KCNG3: variants seen among roughly 807,000 people sequenced by gnomAD.
KCNG3 encodes voltage-gated potassium channel regulatory subunit KCNG3.
A neutral mutation model predicts 29.0 loss-of-function variants in KCNG3; 15 were observed. The ratio of observed to expected loss-of-function variants is 0.52; its 90% CI spans 0.35 to 0.80. The LOEUF is 0.80. Among genes scored for constraint, KCNG3 ranks in the 30% least tolerant of loss-of-function variants. The pLI, the probability that KCNG3 is intolerant of heterozygous loss-of-function variation, is 0.01. For missense variants in KCNG3, 512 were observed against 605.7 expected, an observed-to-expected ratio of 0.85 and a Z score of 1.62; for synonymous variants, 322 against 248.9, an observed-to-expected ratio of 1.29 and a Z score of -2.76.
At chr2:42,424,449 A>AG in the KCNG3 span, among the ~76,000 whole-genome samples, 1 of 152,000 alleles carries the variant, frequency 6.6e-6, no homozygotes, top group Non-Finnish European at 1.5e-5. Flanking sequence ...AAAAAAAAAA[A>AG]AAACCCAAAA....
At chr2:42,418,095 T>C in the KCNG3 span, among the ~76,000 whole-genome samples, 2 of 152,158 alleles carry the variant, frequency 1.3e-5, no homozygotes, top group Non-Finnish European at 1.5e-5. Flanking sequence ...ATATTCACAA[T>C]GTTGTTTAAC....
intron 1 of KCNG3, among the ~76,000 whole-genome samples, chr2:42,469,488 G>A (rs1673232713): frequency 6.6e-6 from 1 of 151,566 alleles, no homozygotes; most frequent in South Asian, 2.1e-4. Flanking sequence ...AAGATAAATG[G>A]CAAATGAGGC....
chr2:42,458,817 C>T, intron 1 of KCNG3, among the ~76,000 whole-genome samples: 1 of 147,468 alleles, frequency 6.8e-6, no homozygotes, highest in East Asian at 2.0e-4. Flanking sequence ...AAAAAAGGAA[C>T]CTCAGGAAGA....
chr2:42,460,486 C>T (rs1001229198), intron 1 of KCNG3, among the ~76,000 whole-genome samples: 2 of 152,150 alleles, frequency 1.3e-5, no homozygotes, highest in African/African-American at 4.8e-5. Context: ...ACAATCCAAT[C>T]CTTAAGAACT....
At chr2:42,458,401 C>G (rs1558378657) in intron 1 of KCNG3, among the ~76,000 whole-genome samples, 1 of 152,216 alleles carries the variant, frequency 6.6e-6, no homozygotes, top group Non-Finnish European at 1.5e-5. Context: ...CCTCTGTCCT[C>G]TGTTTTGGCA....
intron 1 of KCNG3, among the ~76,000 whole-genome samples, chr2:42,477,681 C>A (rs1259819192): frequency 6.6e-6 from 1 of 151,908 alleles, no homozygotes; most frequent in African/African-American, 2.4e-5. Flanking sequence ...GAGTTCGAGA[C>A]TAGCCTGGCC....
downstream of KCNG3, chr2:42,440,343 T>C (rs1303025554): frequency 1.3e-5 from 2 of 152,178 alleles, no homozygotes; most frequent in Admixed American, 6.5e-5. Flanking sequence ...TGAATAGTAA[T>C]ACAGAGCTAG....
chr2:42,480,097 A>T (rs1237205693), intron 1 of KCNG3, among the ~76,000 whole-genome samples: 1 of 152,208 alleles, frequency 6.6e-6, no homozygotes, highest in East Asian at 1.9e-4. Context: ...CACACCAACC[A>T]TAAAAGCCCC....
rs768246012 is a variant in KCNG3 at position 42,443,930 on chromosome 2, T to C, written c.*4A>G. 2.5e-6 allele frequency: 4 copies of C among 1,595,190 alleles called. No homozygotes were observed. The highest frequency in any genetic ancestry group is 2.2e-5 in the East Asian group (1 of 44,738). Reference sequence around the variant, plus strand: ...AGTGTATGCAAGAATTGATTTGCAATGCATTAATTCAGGAATTCAGTGGAG... The same window carrying C: ...AGTGTATGCAAGAATTGATTTGCAACGCATTAATTCAGGAATTCAGTGGAG... On this transcript the variant is annotated 3_prime_UTR_variant, in exon 2 of 2. Transcript: ENST00000306078.
intron 1 of KCNG3, among the ~76,000 whole-genome samples, chr2:42,447,221 C>A (rs1218012001): frequency 6.6e-6 from 1 of 151,550 alleles, no homozygotes; most frequent in Non-Finnish European, 1.5e-5. Flanking sequence ...GATGTATGTA[C>A]AAACAAACAA....
intron 1 of KCNG3, among the ~76,000 whole-genome samples, chr2:42,479,508 T>C (rs937680401): frequency 1.3e-5 from 2 of 151,662 alleles, no homozygotes; most frequent in African/African-American, 4.8e-5. Context: ...TAGCTGGGCA[T>C]GGTGGTGCAT....
At chr2:42,391,388 T>C in the KCNG3 span, among the ~76,000 whole-genome samples, 4 of 152,104 alleles carry the variant, frequency 2.6e-5, no homozygotes, top group Non-Finnish European at 5.9e-5. Flanking sequence ...CAAACTCTGC[T>C]TCCAGCACCT....
chr2:42,418,988 G>C, the KCNG3 span, among the ~76,000 whole-genome samples: 1 of 152,038 alleles, frequency 6.6e-6, no homozygotes. Flanking sequence ...CAAAGCTGAA[G>C]CTTATCCCAG....
the KCNG3 span, among the ~76,000 whole-genome samples, chr2:42,407,452 T>A: frequency 2.5e-4 from 38 of 152,318 alleles, no homozygotes; most frequent in African/African-American, 9.1e-4. Flanking sequence ...CTGGAGCGGA[T>A]GCTGCCATCA....
At chr2:42,405,152 A>C in the KCNG3 span, among the ~76,000 whole-genome samples, 1 of 152,248 alleles carries the variant, frequency 6.6e-6, no homozygotes, top group African/African-American at 2.4e-5. Flanking sequence ...GGAGATGGAA[A>C]TAACTATCCA....
chr2:42,479,686 T>C (rs945548630), intron 1 of KCNG3, among the ~76,000 whole-genome samples: 4 of 139,496 alleles, frequency 2.9e-5, no homozygotes, highest in South Asian at 4.6e-4. Context: ...AAAAAAAGAG[T>C]GGCATAAATG....
chr2:42,468,201 A>G (rs1012498231), intron 1 of KCNG3, among the ~76,000 whole-genome samples: 1 of 152,208 alleles, frequency 6.6e-6, no homozygotes, highest in African/African-American at 2.4e-5. Context: ...GCAGCAAGAC[A>G]AAGGTATTAT....
chr2:42,452,655 G>GA (rs1466343229), intron 1 of KCNG3, among the ~76,000 whole-genome samples: 1 of 151,944 alleles, frequency 6.6e-6, no homozygotes, highest in African/African-American at 2.4e-5. Flanking sequence ...TTATTTCACT[G>GA]AAAAAAATGA....
chr2:42,409,718 AAAAAAAAAAAATT>A, the KCNG3 span, among the ~76,000 whole-genome samples: 1 of 148,834 alleles, frequency 6.7e-6, no homozygotes, highest in African/African-American at 2.5e-5. Flanking sequence ...AAAAAAAAAA[AAAAAAAAAAAATT>A]TTTTTTTAAA....
Sources: gnomAD v4.1 joint callset for allele counts (sites outside exome capture counted in the v4.1 genomes callset) on GRCh38, gnomAD v4.1.1 for gene constraint, MANE v1.5 for transcripts, NCBI Gene and HGNC (gene_info 2026-07-23, HGNC 2026-07-21) for gene names.